The following MPPED2 variants were observed in gnomAD, a reference collection of about 807,000 sequenced individuals.
The protein encoded by MPPED2 is metallophosphoesterase MPPED2.
MPPED2 carries 5 observed loss-of-function variants against 33.0 expected under a neutral mutation model. The ratio of observed to expected loss-of-function variants is 0.15; its 90% CI spans 0.08 to 0.32. The LOEUF (loss-of-function observed/expected upper bound fraction) is 0.32, where lower values mean the gene tolerates loss of function less well. Among genes scored for constraint, MPPED2 ranks in the 10% least tolerant of loss-of-function variants. The pLI, the probability that MPPED2 is intolerant of heterozygous loss-of-function variation, is 1.00. For synonymous variants in MPPED2, 136 were observed against 141.9 expected (o/e 0.96, Z 0.29); for missense variants, 275 against 372.1 (o/e 0.74, Z 2.15).
intron 4 of MPPED2, among the ~76,000 whole-genome samples, chr11:30,440,416 G>C (rs1949518605): frequency 6.6e-6 from 1 of 152,096 alleles, no homozygotes; most frequent in South Asian, 2.1e-4. Context: ...CGCAATGGCA[G>C]AGGTGAGTAG....
At chr11:30,481,784 T>A (rs775986877) in intron 4 of MPPED2, among the ~76,000 whole-genome samples, 2 of 152,126 alleles carry the variant, frequency 1.3e-5, no homozygotes, top group Non-Finnish European at 2.9e-5. Context: ...GGATGAGCCA[T>A]CTAAGTTCTT....
chr11:30,497,559 T>G (rs1382622426), intron 3 of MPPED2, among the ~76,000 whole-genome samples: 1 of 152,162 alleles, frequency 6.6e-6, no homozygotes, highest in Non-Finnish European at 1.5e-5. Context: ...TGTAAACCCT[T>G]TCATTATGTG....
intron 2 of MPPED2, among the ~76,000 whole-genome samples, chr11:30,557,016 C>T (rs1469322636): frequency 6.6e-6 from 1 of 151,900 alleles, no homozygotes; most frequent in African/African-American, 2.4e-5. Context: ...TAGTTTTACA[C>T]TCTAGGCTAT....
At chr11:30,554,155 G>C (rs1331585924) in intron 2 of MPPED2, among the ~76,000 whole-genome samples, 1 of 152,104 alleles carries the variant, frequency 6.6e-6, no homozygotes, top group Non-Finnish European at 1.5e-5. Flanking sequence ...CCCCTACACA[G>C]AGCCGTGGCA....
At chr11:30,562,848 A>G (rs912927333) in intron 2 of MPPED2, among the ~76,000 whole-genome samples, 2 of 152,182 alleles carry the variant, frequency 1.3e-5, no homozygotes, top group African/African-American at 4.8e-5. Flanking sequence ...AATAATGCAC[A>G]CATGATTATT....
intron 2 of MPPED2, among the ~76,000 whole-genome samples, chr11:30,576,521 T>C (rs1244436356): frequency 1.3e-5 from 2 of 152,176 alleles, no homozygotes; most frequent in Non-Finnish European, 2.9e-5. Flanking sequence ...GGGATTTCAA[T>C]GCTAAAACTG....
chr11:30,513,299 A>G, intron 3 of MPPED2, among the ~76,000 whole-genome samples: 1 of 152,172 alleles, frequency 6.6e-6, no homozygotes, highest in Admixed American at 6.5e-5. Context: ...AAAATAATAC[A>G]GATGACTGTT....
chr11:30,558,512 C>A (rs944789377), intron 2 of MPPED2, among the ~76,000 whole-genome samples: 2 of 151,680 alleles, frequency 1.3e-5, no homozygotes, highest in Admixed American at 1.3e-4. Context: ...GCCTGCCAGA[C>A]TCAAGCAATC....
Position 30,410,331 on chromosome 11 carries a change from T to G in MPPED2, c.*1137A>C, listed in dbSNP as rs1365587815. 1.0e-6 allele frequency: 1 copy of G among 985,338 alleles called. No homozygotes were observed. Among genetic ancestry groups the G allele is most frequent in the Non-Finnish European group, 1.2e-6 (1 of 829,666 alleles). The allele number at this position is 985,338 out of a possible 1,614,324, so 61.0% of individuals were successfully genotyped here. On this transcript the variant is annotated 3_prime_UTR_variant, in exon 7 of 7. Coordinates refer to ENST00000358117, the MANE Select transcript of MPPED2 (RefSeq NM_001584.3). Reference sequence around the variant, plus strand: ...CCTAAATTTCATTAACAAAGTAACATAAAATAGAATAAAGCTCAACAGCAT... The same window carrying G: ...CCTAAATTTCATTAACAAAGTAACAGAAAATAGAATAAAGCTCAACAGCAT...
chr11:30,422,235 C>G (rs1948646449), intron 4 of MPPED2, among the ~76,000 whole-genome samples: 1 of 152,182 alleles, frequency 6.6e-6, no homozygotes, highest in African/African-American at 2.4e-5. Context: ...AAGGTGGGGA[C>G]TGGGAAGAAG....
At chr11:30,467,961 G>A (rs1395328942) in intron 4 of MPPED2, among the ~76,000 whole-genome samples, 1 of 151,852 alleles carries the variant, frequency 6.6e-6, no homozygotes, top group African/African-American at 2.4e-5. Context: ...AGGCTCCTTG[G>A]AGATCACTTG....
intron 4 of MPPED2, among the ~76,000 whole-genome samples, chr11:30,428,057 T>C (rs1054639613): frequency 2.6e-5 from 4 of 152,148 alleles, no homozygotes; most frequent in African/African-American, 9.7e-5. Context: ...GTGGGGACTT[T>C]TGCTCAGGAA....
chr11:30,486,898 C>T (rs1951768147), intron 4 of MPPED2, among the ~76,000 whole-genome samples: 1 of 152,200 alleles, frequency 6.6e-6, no homozygotes, highest in East Asian at 1.9e-4. Context: ...TGTGCCTGAT[C>T]TTGTATTGGA....
intron 4 of MPPED2, chr11:30,452,215 G>T: frequency 5.0e-6 from 2 of 396,260 alleles, no homozygotes; most frequent in Non-Finnish European, 3.4e-6. Context: ...CAGCACTCTG[G>T]CTGCACTGAC....
chr11:30,517,040 G>A (rs151012889), intron 3 of MPPED2, among the ~76,000 whole-genome samples: 2 of 152,234 alleles, frequency 1.3e-5, no homozygotes, highest in Non-Finnish European at 2.9e-5. Flanking sequence ...AAAAGGAAAG[G>A]CTTTATAATA....
chr11:30,406,476 AG>A (rs1590164189), downstream of MPPED2, among the ~76,000 whole-genome samples: 2 of 152,146 alleles, frequency 1.3e-5, no homozygotes, highest in East Asian at 3.9e-4. Context: ...GGAGCTTCTT[AG>A]GGAGTTTTCT....
At chr11:30,485,998 C>T (rs1055343608) in intron 4 of MPPED2, among the ~76,000 whole-genome samples, 1 of 152,182 alleles carries the variant, frequency 6.6e-6, no homozygotes, top group Admixed American at 6.5e-5. Context: ...GGATGTCCTG[C>T]GGCTCTGCAG....
intron 4 of MPPED2, chr11:30,452,143 C>T (rs499340): frequency 0.081 from 77,231 of 956,188 alleles, 3,640 homozygotes; most frequent in South Asian, 0.24. Context: ...TCTTCAAGGG[C>T]TTCTCACTGC....
downstream of MPPED2, chr11:30,410,159 T>C (rs1948051832): frequency 2.0e-6 from 2 of 985,330 alleles, no homozygotes; most frequent in Non-Finnish European, 2.4e-6. Context: ...TGCATATGAA[T>C]AAATCCCTCC....
Sources: gnomAD v4.1 joint callset for allele counts (sites outside exome capture counted in the v4.1 genomes callset) on GRCh38, gnomAD v4.1.1 for gene constraint, MANE v1.5 for transcripts, NCBI Gene and HGNC (gene_info 2026-07-23, HGNC 2026-07-21) for gene names.